Variants in CKB observed in about 807,000 individuals in gnomAD.
The protein encoded by CKB is creatine kinase B-type.
Under a neutral mutation model 36.9 loss-of-function variants are expected in CKB, and 15 were observed. The ratio of observed to expected loss-of-function variants is 0.41; its 90% CI spans 0.27 to 0.63. The LOEUF (loss-of-function observed/expected upper bound fraction) is 0.63. CKB is among the 20% of genes least tolerant of loss of function. The pLI is 0.34. For synonymous variants in CKB, 250 were observed against 228.2 expected (o/e 1.10, Z -0.86); for missense variants, 413 against 534.9 (o/e 0.77, Z 2.25).
rs1239204794 is a variant in CKB, at chr14:103,519,794, G to A, written c.*70C>T. 19 of 1,514,450 alleles carry A rather than the reference G, an allele frequency of 1.3e-5. No individual in the cohort carries two copies. Among genetic ancestry groups the A allele is most frequent in the Non-Finnish European group, 1.5e-5 (17 of 1,127,472 alleles). The allele number at this position is 1,514,450 out of a possible 1,614,324, so 93.8% of individuals were successfully genotyped here. On this transcript the variant is annotated 3_prime_UTR_variant, in exon 8 of 8. Coordinates refer to ENST00000348956, the MANE Select transcript of CKB (RefSeq NM_001823.5). The stretch of plus-strand genomic sequence containing the variant: ...GCTCGCCAGACGGCGAACATCAGGG[G>A]TGCATGGTGGGCACTGCCCAGGCAA...
At chr14:103,520,381 GTGCCGGAAA>G in intron 6 of CKB, 70 bp from the exon 7 acceptor site, 1 of 1,586,936 alleles carries the variant, frequency 6.3e-7, no homozygotes, top group Non-Finnish European at 8.6e-7. Flanking sequence ...AGACTCCCCA[GTGCCGGAAA>G]TCCCCCGGGG....
In CKB at chr14:103,519,945, G is replaced by A. The variant is rs1260125886; in HGVS notation, c.1065C>T (p.Asp355=). 3 of 1,610,424 alleles carry A rather than the reference G, an allele frequency of 1.9e-6. No individual in the cohort carries two copies. Among genetic ancestry groups the A allele is most frequent in the Middle Eastern group, 1.6e-4 (1 of 6,062 alleles). The part of the protein sequence containing the change: ...SEVELVQMVV[D]GVKLLIEMEQ... ...CCATCTCGATGAGCAGCTTCACTCC[G>A]TCCACCACCATCTGCACCAGCTCCA... The change falls in exon 8 of 8, where the codon GAC becomes GAT. Residue 355 remains aspartate (D), a synonymous_variant. Transcript: ENST00000348956.
rs1200970821 is a variant in CKB at position 103,522,649 on chromosome 14, C to T, written c.-13+117G>A. 1.5e-4 allele frequency: 52 copies of T among 350,838 alleles called. No homozygotes were observed. Among genetic ancestry groups the T allele is most frequent in the Non-Finnish European group, 1.8e-4 (41 of 221,890 alleles). The allele number at this position is 350,838 out of a possible 1,614,324, so 21.7% of individuals were successfully genotyped here. A position where few individuals can be genotyped will look rare whatever the true frequency, so the allele number is the denominator to read the frequency against. On this transcript the variant is annotated intron_variant, in intron 1 of 7. Transcript: ENST00000348956. This position sits in a 1 kb window ranked among gnomAD's most constrained non-coding sequence, Gnocchi z 6.7. Reference sequence around the variant, plus strand: ...CGGGGTCCGCAGCGCGCGCGGGGAGCGCCATCATCGCCGGGGACCCCCGGC... The same window carrying T: ...CGGGGTCCGCAGCGCGCGCGGGGAGTGCCATCATCGCCGGGGACCCCCGGC...
intron 4 of CKB, 66 bp from the exon 5 acceptor site, chr14:103,521,500 G>A: frequency 7.3e-7 from 1 of 1,364,750 alleles, no homozygotes; most frequent in Non-Finnish European, 9.5e-7. Flanking sequence ...GCGCGGACCC[G>A]CCCGCCCCCG....
chr14:103,521,199 C>T (rs982505834), intron 5 of CKB, 64 bp downstream of exon 5: 314 of 1,513,286 alleles, frequency 2.1e-4, no homozygotes, highest in Non-Finnish European at 2.7e-4. Context: ...GCGAGGGGGG[C>T]GAGAGGGAAA....
Position 103,522,562 on chromosome 14 carries a change from C to T in CKB, c.-12-57G>A. On this transcript the variant is annotated intron_variant, in intron 1 of 7. Transcript: ENST00000348956. This position sits in a 1 kb window ranked among gnomAD's most constrained non-coding sequence, Gnocchi z 6.7. ...GCACGCCGGGGTTCCCGGGCTCCCG[C>T]GTACCACTCAGGCCCCCGCCGCCGG... 6.1e-6 allele frequency: 7 copies of T among 1,141,972 alleles called. No homozygotes were observed. The highest frequency in any genetic ancestry group is 8.1e-6 in the Non-Finnish European group (7 of 860,328). The allele number at this position is 1,141,972 out of a possible 1,614,324, so 70.7% of individuals were successfully genotyped here. A position where few individuals can be genotyped will look rare whatever the true frequency, so the allele number is the denominator to read the frequency against.
At position 103,522,268 on chromosome 14, in the gene CKB, G is replaced by A. The variant is rs755063552; in HGVS notation, c.193+33C>T. ...CCCTGCGGCTGCGCGGGGGGAGGGG[G>A]GGCCGGGACCCCGGCCCCGAGGGGT... On this transcript the variant is annotated intron_variant, in intron 2 of 7. Transcript: ENST00000348956. This position sits in a 1 kb window ranked among gnomAD's most constrained non-coding sequence, Gnocchi z 6.7. 2 of 1,580,738 alleles carry A rather than the reference G, an allele frequency of 1.3e-6. No homozygotes were observed. The highest frequency in any genetic ancestry group is 1.1e-5 in the South Asian group (1 of 88,622).
rs2142228590 is a variant in CKB, at chr14:103,519,751, T to A, written c.*113A>T. The A allele has an allele frequency of 1.6e-6, 2 of 1,232,308 alleles. No individual in the cohort carries two copies. Among genetic ancestry groups the A allele is most frequent in the East Asian group, 4.7e-5 (2 of 42,510 alleles). 76.3% of individuals were successfully genotyped at this position (1,232,308 alleles called of 1,614,324 possible). On this transcript the variant is annotated 3_prime_UTR_variant, in exon 8 of 8. Coordinates refer to ENST00000348956, the MANE Select transcript of CKB (RefSeq NM_001823.5). ...AACTCTACCAAGGGTGACGGAAGTC[T>A]CTACAGCAAGGCTAAGGGCTCGCCA...
intron 5 of CKB, 45 bp downstream of exon 5, chr14:103,521,218 A>G: frequency 6.5e-7 from 1 of 1,535,140 alleles, no homozygotes; most frequent in Non-Finnish European, 8.7e-7. Context: ...AAGCGGAGGT[A>G]GCGGGGAGGG....
intron 5 of CKB, among the ~76,000 whole-genome samples, chr14:103,520,921 C>T (rs1044856012): frequency 6.6e-6 from 1 of 152,114 alleles, no homozygotes; most frequent in African/African-American, 2.4e-5. Context: ...ATCCCAGCGG[C>T]GGAGGAGTGA....
chr14:103,521,097 A>G, intron 5 of CKB, 166 bp downstream of exon 5: 1 of 868,782 alleles, frequency 1.2e-6, no homozygotes, highest in Non-Finnish European at 1.9e-6. Flanking sequence ...TCACCGGCGC[A>G]GGAGGAGGCG....
rs1472804757 is a variant in CKB at position 103,519,980 on chromosome 14, A to G, written c.1030T>C (p.Phe344Leu). The change falls in exon 8 of 8, where the codon TTC (phenylalanine) becomes CTC (leucine). Residue 344 changes from phenylalanine to leucine, a missense_variant. Transcript: ENST00000348956. Reference sequence around the variant, plus strand: ...ATCTGCACCAGCTCCACCTCTGAGAAGCCCAGGCGGTCAGCGTTGGAGACG... The same window carrying G: ...ATCTGCACCAGCTCCACCTCTGAGAGGCCCAGGCGGTCAGCGTTGGAGACG... ...FDVSNADRLG[F>L]SEVELVQMVV... 1 of 1,611,050 alleles carries G rather than the reference A, an allele frequency of 6.2e-7. No individual in the cohort carries two copies. The highest frequency in any genetic ancestry group is 1.3e-5 in the African/African-American group (1 of 74,916).
Position 103,521,145 on chromosome 14 carries a change from C to CCCT in CKB, c.653+115_653+117dup, listed in dbSNP as rs137901801. On this transcript the variant is annotated intron_variant, in intron 5 of 7. Coordinates refer to ENST00000348956, the MANE Select transcript of CKB (RefSeq NM_001823.5). The stretch of plus-strand genomic sequence containing the variant: ...CAGACCCGGAGCGCGGCCGGCCCCT[C>CCCT]CCTCCTCCTCCTCCTCCTCCTCGCC... The CCCT allele has an allele frequency of 6.6e-3, 8,172 of 1,243,016 alleles. 263 individuals are homozygous for CCCT. The African/African-American group carries it at 0.094, about 14-fold the overall frequency. 77.0% of individuals were successfully genotyped at this position (1,243,016 alleles called of 1,614,324 possible).
At chr14:103,520,387 G>C in intron 6 of CKB, 76 bp from the exon 7 acceptor site, 3 of 1,585,490 alleles carry the variant, frequency 1.9e-6, no homozygotes. Flanking sequence ...CCCAGTGCCG[G>C]AAATCCCCCG....
At chr14:103,521,131 C>A (rs1042750270) in intron 5 of CKB, 132 bp downstream of exon 5, 5 of 1,128,460 alleles carry the variant, frequency 4.4e-6, no homozygotes, top group South Asian at 1.3e-5. Context: ...AGACCCGGAG[C>A]GCGGCCGGCC....
In CKB at chr14:103,519,810, G is replaced by A; in HGVS notation, c.*54C>T. 1.9e-6 allele frequency: 3 copies of A among 1,549,610 alleles called. No individual in the cohort carries two copies. Among genetic ancestry groups the A allele is most frequent in the South Asian group, 1.2e-5 (1 of 82,418 alleles). ...ACATCAGGGGTGCATGGTGGGCACT[G>A]CCCAGGCAATAAGTTAGGAAGCAGC... On this transcript the variant is annotated 3_prime_UTR_variant, in exon 8 of 8. Transcript: ENST00000348956.
rs1136165 is a variant in CKB, at chr14:103,521,843, G to T, written c.456C>A (p.Arg152=). The T allele has an allele frequency of 0.63, 950,085 of 1,513,694 alleles. 301,042 individuals carry two copies. The highest frequency in any genetic ancestry group is 0.81 in the East Asian group (31,454 of 38,608). 93.8% of individuals were successfully genotyped at this position (1,513,694 alleles called of 1,614,324 possible). A position where few individuals can be genotyped will look rare whatever the true frequency, so the allele number is the denominator to read the frequency against. ...CTTCCACCGCGAGCTTCTCGATGGC[G>T]CGGCGCTCCCCGCGGCTGCAGTGCG... ...LPPHCSRGER[R]AIEKLAVEAL... is the part of the protein sequence containing the mutation. Residue 152 remains arginine (R), a synonymous_variant, in exon 4 of 8, where the codon CGC becomes CGA. Transcript: ENST00000348956.
chr14:103,520,686 C>A, intron 5 of CKB, 94 bp from the exon 6 acceptor site: 1 of 1,462,440 alleles, frequency 6.8e-7, no homozygotes, highest in Non-Finnish European at 9.1e-7. Context: ...GTGCTGCTCC[C>A]TGCCATGCCC....
chr14:103,520,396 C>CG (rs1566962160), intron 6 of CKB, 73 bp downstream of exon 6: 4 of 1,587,336 alleles, frequency 2.5e-6, no homozygotes, highest in South Asian at 1.1e-5. Flanking sequence ...GGAAATCCCC[C>CG]GGGGGGACTG....
Sources: allele counts gnomAD v4.1 joint callset (sites outside exome capture counted in the v4.1 genomes callset), GRCh38; gene constraint gnomAD v4.1.1; non-coding constraint Gnocchi (gnomAD v3.1); transcripts MANE v1.5; gene names NCBI Gene and HGNC (gene_info 2026-07-23, HGNC 2026-07-21).